VIPAS39: variants seen among roughly 807,000 people sequenced by gnomAD.
VIPAS39 encodes the protein spermatogenesis-defective protein 39 homolog.
VIPAS39 carries 63 observed loss-of-function variants against 84.7 expected under a neutral mutation model. The ratio of observed to expected loss-of-function variants is 0.74; its 90% CI spans 0.61 to 0.92. The LOEUF is 0.92. Among genes scored for constraint, VIPAS39 ranks in the 40% least tolerant of loss-of-function variants. The pLI is 0.00. For synonymous variants in VIPAS39, 192 were observed against 216.5 expected, an observed-to-expected ratio of 0.89 and a Z score of 0.99; for missense variants, 499 against 604.5, an observed-to-expected ratio of 0.83 and a Z score of 1.83.
At chr14:77,445,447 G>C (rs2078773526) in intron 7 of VIPAS39, among the ~76,000 whole-genome samples, 1 of 152,004 alleles carries the variant, frequency 6.6e-6, no homozygotes, top group South Asian at 2.1e-4. Flanking sequence ...ATCTGAGACA[G>C]GGTCTCACTG....
intron 18 of VIPAS39, 73 bp downstream of exon 18, chr14:77,428,933 G>T: frequency 7.3e-7 from 1 of 1,376,480 alleles, no homozygotes; most frequent in South Asian, 1.2e-5. Context: ...ATCTTGGACA[G>T]AGAATATTAT....
Position 77,438,957 on chromosome 14 carries a change from G to A in VIPAS39, c.763-1076C>T, listed in dbSNP as rs139459547. Among the ~76,000 whole-genome samples, 439 of 152,288 alleles carry A rather than the reference G, an allele frequency of 2.9e-3. 2 individuals carry two copies. The highest frequency in any genetic ancestry group is 0.019 in the Admixed American group (286 of 15,294). ...AATTACATATCATAATCCAATCTTCGTAAAATAGTTCATATAAAATAGTTG... is the reference window on the plus strand; with the variant it reads ...AATTACATATCATAATCCAATCTTCATAAAATAGTTCATATAAAATAGTTG... On this transcript the variant is annotated intron_variant, in intron 11 of 19. Coordinates refer to ENST00000557658, the MANE Select transcript of VIPAS39 (RefSeq NM_001193315.2).
intron 14 of VIPAS39, among the ~76,000 whole-genome samples, chr14:77,434,727 C>T (rs1054514578): frequency 1.1e-4 from 16 of 150,552 alleles, no homozygotes; most frequent in Admixed American, 4.6e-4. Flanking sequence ...CCTGTCTCTA[C>T]TAAAAATACA....
At chr14:77,441,135 A>G (rs1199317643) in intron 10 of VIPAS39, 42 bp from the exon 11 acceptor site, 1 of 1,611,638 alleles carries the variant, frequency 6.2e-7, no homozygotes, top group East Asian at 2.2e-5. Context: ...GTATCTATTG[A>G]TGTGTGGCAG....
At chr14:77,436,316 A>C (rs2078610235) in intron 12 of VIPAS39, among the ~76,000 whole-genome samples, 1 of 152,240 alleles carries the variant, frequency 6.6e-6, no homozygotes, top group South Asian at 2.1e-4. Context: ...GGACACCTAG[A>C]TTTGTTAGCC....
intron 11 of VIPAS39, among the ~76,000 whole-genome samples, chr14:77,438,204 T>C (rs557354894): frequency 6.6e-5 from 10 of 151,782 alleles, no homozygotes; most frequent in Non-Finnish European, 4.4e-5. Context: ...AGCTACTATA[T>C]TGGACAACAC....
chr14:77,439,764 G>GA lies in VIPAS39; in HGVS notation c.762+1301dup, dbSNP rs371592424. On this transcript the variant is annotated intron_variant, in intron 11 of 19. Transcript: ENST00000557658. The stretch of plus-strand genomic sequence containing the variant: ...GCACCACTGTACTCCAGCCTGTCTC[G>GA]AAAAAAAAAAACCATGTTTCTGAAA... Among the ~76,000 whole-genome samples the GA allele has an allele frequency of 9.6e-3, 1,395 of 145,048 alleles. 20 individuals are homozygous for GA. The highest frequency in any genetic ancestry group is 0.042 in the South Asian group (193 of 4,608).
At chr14:77,455,237 C>T (rs1189523861) in intron 1 of VIPAS39, among the ~76,000 whole-genome samples, 2 of 152,198 alleles carry the variant, frequency 1.3e-5, no homozygotes, top group African/African-American at 4.8e-5. Context: ...AATCTCAGCA[C>T]TTTGGGAGAC....
In VIPAS39 at chr14:77,442,670, ACAGT is replaced by A; in HGVS notation, c.632-12_632-9del. On this transcript the variant is annotated splice_polypyrimidine_tract_variant and intron_variant, in intron 9 of 19. Transcript: ENST00000557658. ...GCTCTCGGAAGAGGATCTCTGTCAG[ACAGT>A]CAGGAGTTAAGTTGAGAAAGATTAA... 1 of 1,613,782 alleles carries A rather than the reference ACAGT, an allele frequency of 6.2e-7. No homozygotes were observed. The highest frequency in any genetic ancestry group is 8.5e-7 in the Non-Finnish European group (1 of 1,179,694).
At chr14:77,453,022 C>T (rs575426066) in intron 3 of VIPAS39, among the ~76,000 whole-genome samples, 1 of 152,164 alleles carries the variant, frequency 6.6e-6, no homozygotes, top group Admixed American at 6.5e-5. Flanking sequence ...TGGGATAAAG[C>T]CTAGGAGTAT....
chr14:77,436,658 C>T lies in VIPAS39; in HGVS notation c.837-739G>A, dbSNP rs75755445. Among the ~76,000 whole-genome samples, 106 of 152,158 alleles carry T rather than the reference C, an allele frequency of 7.0e-4. 1 individual carries two copies. The East Asian group carries it at 0.014, about 21-fold the overall frequency. ...CAGGGTTTCACCATGTTCGCCAGGACGGTCTTGATCTCCTAACCTCGTGAT... is the reference window on the plus strand; with the variant it reads ...CAGGGTTTCACCATGTTCGCCAGGATGGTCTTGATCTCCTAACCTCGTGAT... On this transcript the variant is annotated intron_variant, in intron 12 of 19. Coordinates refer to ENST00000557658, the MANE Select transcript of VIPAS39 (RefSeq NM_001193315.2).
In VIPAS39 at chr14:77,429,072, C is replaced by T. The variant is rs1264115702; in HGVS notation, c.1290G>A (p.Leu430=). 2.5e-6 allele frequency: 4 copies of T among 1,613,980 alleles called. No homozygotes were observed. Among genetic ancestry groups the T allele is most frequent in the Non-Finnish European group, 3.4e-6 (4 of 1,179,914 alleles). ...TCAACTTCGTGTCCACATCTTCCAC[C>T]AGATTGACATACTCCTGTAATATCT... ...PVQILQEYVN[L]VEDVDTKLNL... Residue 430 remains leucine (L), a synonymous_variant, in exon 18 of 20, where the codon CTG becomes CTA. Transcript: ENST00000557658.
In VIPAS39 at chr14:77,454,934, A is replaced by G. The variant is rs193091743; in HGVS notation, c.1-832T>C. Among the ~76,000 whole-genome samples, 554 of 152,304 alleles carry G rather than the reference A, an allele frequency of 3.6e-3. 2 individuals are homozygous for G. The highest frequency in any genetic ancestry group is 0.013 in the African/African-American group (523 of 41,530). On this transcript the variant is annotated intron_variant, in intron 1 of 19. Coordinates refer to ENST00000557658, the MANE Select transcript of VIPAS39 (RefSeq NM_001193315.2). The stretch of plus-strand genomic sequence containing the variant: ...GGCTCTGGGAATACTACAGTGAATG[A>G]ACAAATATTCCACCCTCATGTATGC...
In VIPAS39 at chr14:77,454,014, G is replaced by C; in HGVS notation, c.89C>G (p.Ser30Ter). The change falls in exon 2 of 20, where the codon TCA (serine) becomes TGA (stop). Residue 30 changes from serine (S) to a stop codon, truncating the protein, a stop_gained. Transcript: ENST00000557658. LOFTEE classifies it high-confidence loss of function. ...FTFDDEDDEL[S>*]QLKESKRAVN... The stretch of plus-strand genomic sequence containing the variant: ...AAACTTCAGCAGTTGACCTACCTGT[G>C]AAAGCTCATCGTCTTCATCGTCAAA... 6.2e-7 allele frequency: 1 copy of C among 1,614,092 alleles called. No homozygotes were observed. The highest frequency in any genetic ancestry group is 8.5e-7 in the Non-Finnish European group (1 of 1,179,986).
At chr14:77,456,839 A>C (rs575594824) in intron 1 of VIPAS39, among the ~76,000 whole-genome samples, 1 of 152,338 alleles carries the variant, frequency 6.6e-6, no homozygotes, top group East Asian at 1.9e-4. Flanking sequence ...TTTACTTGGC[A>C]AGTATAGATA....
At chr14:77,452,327 G>A (rs1284741712) in intron 3 of VIPAS39, among the ~76,000 whole-genome samples, 6 of 152,008 alleles carry the variant, frequency 3.9e-5, no homozygotes, top group Admixed American at 1.3e-4. Flanking sequence ...ACCAAGCAAC[G>A]ATTGTTTTTT....
intron 12 of VIPAS39, among the ~76,000 whole-genome samples, chr14:77,436,478 T>C (rs555938346): frequency 6.6e-6 from 1 of 152,350 alleles, no homozygotes; most frequent in South Asian, 2.1e-4. Flanking sequence ...GGAGTTTCTC[T>C]GTGTCACCCA....
rs1251314825 is a variant in VIPAS39 at position 77,449,694 on chromosome 14, A to G, written c.382+20T>C. The G allele has an allele frequency of 6.2e-7, 1 of 1,614,020 alleles. No homozygotes were observed. Among genetic ancestry groups the G allele is most frequent in the Non-Finnish European group, 8.5e-7 (1 of 1,180,002 alleles). ...TCAGTAACATTTCCCACAGCAATTA[A>G]AAGAGGGTTCAATGCCTACCATCAG... On this transcript the variant is annotated intron_variant, in intron 5 of 19. Coordinates refer to ENST00000557658, the MANE Select transcript of VIPAS39 (RefSeq NM_001193315.2).
intron 13 of VIPAS39, 42 bp downstream of exon 13, chr14:77,435,802 C>A (rs368133779): frequency 1.9e-6 from 3 of 1,603,516 alleles, no homozygotes; most frequent in Non-Finnish European, 2.6e-6. Flanking sequence ...CGGCACTGAG[C>A]CTTGGCACTG....
Sources: gnomAD v4.1 joint callset for allele counts (sites outside exome capture counted in the v4.1 genomes callset) on GRCh38, gnomAD v4.1.1 for gene constraint, MANE v1.5 for transcripts, NCBI Gene and HGNC (gene_info 2026-07-23, HGNC 2026-07-21) for gene names.